MKLN1: variants seen among roughly 807,000 people sequenced by gnomAD.
MKLN1 encodes muskelin 1, also known as muskelin.
MKLN1 carries 18 observed loss-of-function variants against 99.0 expected under a neutral mutation model. That is an observed-to-expected ratio of 0.18 (90% confidence interval 0.13 to 0.27). The LOEUF (loss-of-function observed/expected upper bound fraction) is 0.27. MKLN1 is among the 10% of genes least tolerant of loss of function. The pLI, the probability that MKLN1 is intolerant of heterozygous loss-of-function variation, is 1.00. For missense variants in MKLN1, 621 were observed against 875.9 expected, an observed-to-expected ratio of 0.71 and a Z score of 3.67; for synonymous variants, 288 against 293.2, an observed-to-expected ratio of 0.98 and a Z score of 0.18.
intron 2 of MKLN1, among the ~76,000 whole-genome samples, chr7:131,170,844 C>G (rs1019322057): frequency 1.5e-4 from 23 of 152,288 alleles, no homozygotes; most frequent in African/African-American, 5.3e-4. Flanking sequence ...TGCATGAAAA[C>G]GCTGAAGTAC....
At chr7:131,325,522 CCT>C (rs1454130853), upstream of MKLN1, among the ~76,000 whole-genome samples, 1 of 152,108 alleles carries the variant, frequency 6.6e-6, no homozygotes, top group East Asian at 1.9e-4. Flanking sequence ...AGAGTGAAAC[CCT>C]GTGTCTACAA....
intron 2 of MKLN1, among the ~76,000 whole-genome samples, chr7:131,190,023 G>A (rs1191318092): frequency 2.0e-5 from 3 of 152,120 alleles, no homozygotes; most frequent in African/African-American, 7.2e-5. Flanking sequence ...GTGTGACAAG[G>A]TTAAATGACA....
intron 3 of MKLN1, among the ~76,000 whole-genome samples, chr7:131,283,583 C>T (rs1405968359): frequency 6.6e-6 from 1 of 151,792 alleles, no homozygotes; most frequent in Non-Finnish European, 1.5e-5. Flanking sequence ...TACAGGCATG[C>T]ACCACCACAG....
At chr7:131,393,421 T>G (rs1269104574) in intron 4 of MKLN1, among the ~76,000 whole-genome samples, 1 of 152,234 alleles carries the variant, frequency 6.6e-6, no homozygotes, top group East Asian at 1.9e-4. Flanking sequence ...TTTTAGTCTG[T>G]TGAAAATTAA....
At chr7:131,123,143 A>G (rs1795402222) in intron 1 of MKLN1, among the ~76,000 whole-genome samples, 1 of 152,166 alleles carries the variant, frequency 6.6e-6, no homozygotes, top group Admixed American at 6.5e-5. Flanking sequence ...ATAATAAAAG[A>G]GAGTGTCCTT....
chr7:131,142,876 C>A (rs1444004200), exon 2 of MKLN1: 6 of 1,300,382 alleles, frequency 4.6e-6, no homozygotes, highest in Non-Finnish European at 6.1e-6. Context: ...ATTCCATCCT[C>A]CTGACTCCAT....
intron 8 of MKLN1, 38 bp downstream of exon 8, chr7:131,414,748 G>T: frequency 7.9e-7 from 1 of 1,264,546 alleles, no homozygotes; most frequent in South Asian, 1.3e-5. Flanking sequence ...AATCTTCATT[G>T]GCTACAGGCA....
chr7:131,262,789 G>A (rs934791635), intron 3 of MKLN1, among the ~76,000 whole-genome samples: 27 of 151,812 alleles, frequency 1.8e-4, no homozygotes, highest in African/African-American at 6.3e-4. Flanking sequence ...CTCGTGATCC[G>A]CCCACCTCGG....
At chr7:131,392,058 C>T (rs917057967) in intron 4 of MKLN1, among the ~76,000 whole-genome samples, 10 of 152,122 alleles carry the variant, frequency 6.6e-5, no homozygotes, top group African/African-American at 2.2e-4. Flanking sequence ...GAAGGGAAAG[C>T]TCAGCAGGAG....
chr7:131,400,518 A>ATATATATATATATATATATATAT (rs1554567982), intron 6 of MKLN1, among the ~76,000 whole-genome samples: 1 of 137,436 alleles, frequency 7.3e-6, no homozygotes, highest in African/African-American at 2.8e-5. Context: ...ATAAAAAAAA[A>ATATATATATATATATATATATAT]ATATATATAT....
chr7:131,200,792 G>T (rs896440226), intron 2 of MKLN1, among the ~76,000 whole-genome samples: 1 of 152,166 alleles, frequency 6.6e-6, no homozygotes, highest in African/African-American at 2.4e-5. Flanking sequence ...CCACTGACGT[G>T]TTCTAATTTA....
chr7:131,354,402 G>C (rs1447325306), intron 1 of MKLN1, among the ~76,000 whole-genome samples: 2 of 151,080 alleles, frequency 1.3e-5, no homozygotes. Flanking sequence ...ATTGTTTTGT[G>C]CTTTTAATCT....
At chr7:131,392,403 A>G (rs957267142) in intron 4 of MKLN1, among the ~76,000 whole-genome samples, 20 of 152,286 alleles carry the variant, frequency 1.3e-4, no homozygotes, top group African/African-American at 3.6e-4. Context: ...GAGCATGTGG[A>G]AAAGTGACAT....
intron 3 of MKLN1, among the ~76,000 whole-genome samples, chr7:131,277,989 G>A (rs1423290628): frequency 6.6e-6 from 1 of 151,870 alleles, no homozygotes; most frequent in Non-Finnish European, 1.5e-5. Flanking sequence ...TCTTTTTAGG[G>A]CAATTTTCTT....
chr7:131,443,960 T>C (rs1213322285), intron 11 of MKLN1, among the ~76,000 whole-genome samples: 4 of 152,204 alleles, frequency 2.6e-5, no homozygotes, highest in African/African-American at 7.2e-5. Context: ...TTTGTAGCTA[T>C]GTTCCTTTCT....
At position 131,120,074 on chromosome 7, in the gene MKLN1, G is replaced by C. The variant is rs528163322; in HGVS notation, c.-419+9867G>C. On this transcript the variant is annotated intron_variant, in intron 1 of 7. Coordinates refer to the MKLN1 transcript ENST00000416992. ...TAGTCCCAGCTACTCGGGAGGCTGA[G>C]GCAGGAGAATGGTGTGAACCTGGGA... Among the ~76,000 whole-genome samples, 120 of 151,132 alleles carry C rather than the reference G, an allele frequency of 7.9e-4. 1 individual carries two copies. Among genetic ancestry groups the C allele is most frequent in the African/African-American group, 2.5e-3 (103 of 41,108 alleles).
intron 13 of MKLN1, 42 bp from the exon 14 acceptor site, chr7:131,464,252 G>A (rs772344284): frequency 8.0e-7 from 1 of 1,242,726 alleles, no homozygotes; most frequent in Admixed American, 1.8e-5. Context: ...TATTATCTTT[G>A]CTGCTAATTC....
intron 1 of MKLN1, among the ~76,000 whole-genome samples, chr7:131,334,965 G>A (rs946874989): frequency 6.6e-6 from 1 of 152,058 alleles, no homozygotes; most frequent in African/African-American, 2.4e-5. Context: ...AAATTTCTAG[G>A]TCTTTATAGG....
chr7:131,178,279 C>CTTTTTTTTTTTTTT (rs35412933), intron 2 of MKLN1, among the ~76,000 whole-genome samples: 4 of 72,558 alleles, frequency 5.5e-5, no homozygotes, highest in Admixed American at 3.5e-4. Context: ...ACATGCCCGG[C>CTTTTTTTTTTTTTT]TTTTTTTTTT....
Sources: allele counts gnomAD v4.1 joint callset (sites outside exome capture counted in the v4.1 genomes callset), GRCh38; gene constraint gnomAD v4.1.1; transcripts MANE v1.5; gene names NCBI Gene and HGNC (gene_info 2026-07-23, HGNC 2026-07-21).